The following KCTD8 variants were observed in gnomAD, a reference collection of about 807,000 sequenced individuals.
KCTD8 encodes potassium channel tetramerization domain containing 8.
A neutral mutation model predicts 31.5 loss-of-function variants in KCTD8; 27 were observed. That is an observed-to-expected ratio of 0.86 (90% CI 0.63 to 1.18). The LOEUF (loss-of-function observed/expected upper bound fraction) is 1.18, where lower values mean the gene tolerates loss of function less well. KCTD8 is among the 50% of genes most tolerant of loss of function. The pLI is 0.00. For synonymous variants in KCTD8, 290 were observed against 280.0 expected (o/e 1.04, Z -0.36); for missense variants, 658 against 647.7 (o/e 1.02, Z -0.17).
intron 1 of KCTD8, among the ~76,000 whole-genome samples, chr4:44,426,987 A>G (rs1721365469): frequency 6.6e-6 from 1 of 151,786 alleles, no homozygotes; most frequent in Admixed American, 6.6e-5. Context: ...ATTTATAAAG[A>G]TGATTTTAGT....
At chr4:44,226,807 T>C (rs1430304813) in intron 1 of KCTD8, among the ~76,000 whole-genome samples, 2 of 152,224 alleles carry the variant, frequency 1.3e-5, no homozygotes, top group South Asian at 2.1e-4. Context: ...ATGAGCTTTT[T>C]TCGTATGTTT....
At position 44,448,344 on chromosome 4, in the gene KCTD8, C is replaced by T. The variant is rs1202790547; in HGVS notation, c.180G>A (p.Ser60=). The T allele has an allele frequency of 5.0e-6, 8 of 1,594,948 alleles. No individual in the cohort carries two copies. Residue 60 remains serine (S), a synonymous_variant, in exon 1 of 2, where the codon TCG becomes TCA. Coordinates refer to ENST00000360029, the MANE Select transcript of KCTD8 (RefSeq NM_198353.3). This position sits in a 1 kb window ranked among gnomAD's most constrained non-coding sequence, Gnocchi z 4.1. ...TACTGTCCGGGACGCTGAGCAGCGTCGAGTGCTTGGTCACATAAACCTGGC... is the reference window on the plus strand; with the variant it reads ...TACTGTCCGGGACGCTGAGCAGCGTTGAGTGCTTGGTCACATAAACCTGGC... ...VGGQVYVTKH[S]TLLSVPDSTL... is the part of the protein sequence containing the mutation.
intron 1 of KCTD8, among the ~76,000 whole-genome samples, chr4:44,236,386 G>T (rs961680035): frequency 2.6e-5 from 4 of 152,138 alleles, no homozygotes; most frequent in Admixed American, 1.3e-4. Context: ...AGTGGTTGTG[G>T]CATGCACTCA....
chr4:44,229,427 G>A (rs552576201), intron 1 of KCTD8, among the ~76,000 whole-genome samples: 32 of 152,280 alleles, frequency 2.1e-4, no homozygotes, highest in Admixed American at 1.3e-4. Context: ...AGGGCACTCC[G>A]CTGGCAAAGG....
At chr4:44,203,457 T>G (rs1225907334) in intron 1 of KCTD8, among the ~76,000 whole-genome samples, 1 of 133,196 alleles carries the variant, frequency 7.5e-6, no homozygotes. Context: ...GCCATTGTAC[T>G]CCAGCCTGGG....
chr4:44,364,179 CA>C (rs1719570555), intron 1 of KCTD8, among the ~76,000 whole-genome samples: 1 of 151,952 alleles, frequency 6.6e-6, no homozygotes, highest in Admixed American at 6.6e-5. Flanking sequence ...TTGCAAAACA[CA>C]TATCTGATAG....
intron 1 of KCTD8, among the ~76,000 whole-genome samples, chr4:44,315,705 A>C (rs1245382867): frequency 6.6e-6 from 1 of 152,078 alleles, no homozygotes; most frequent in Non-Finnish European, 1.5e-5. Flanking sequence ...TTACCCTCAC[A>C]TTTGATTGAT....
At chr4:44,400,356 T>C (rs542712780) in intron 1 of KCTD8, among the ~76,000 whole-genome samples, 40 of 152,106 alleles carry the variant, frequency 2.6e-4, no homozygotes, top group African/African-American at 9.6e-4. Context: ...AGTATGATAT[T>C]CCTGTCTCCT....
intron 1 of KCTD8, among the ~76,000 whole-genome samples, chr4:44,331,097 G>A (rs1276975810): frequency 6.6e-6 from 1 of 151,820 alleles, no homozygotes; most frequent in Non-Finnish European, 1.5e-5. Context: ...GGTATGTGGA[G>A]AAGGCATGAT....
At chr4:44,343,870 T>G (rs1046194909) in intron 1 of KCTD8, among the ~76,000 whole-genome samples, 3 of 152,102 alleles carry the variant, frequency 2.0e-5, no homozygotes, top group African/African-American at 7.2e-5. Context: ...TTGTTTTGTT[T>G]TGTTTTTGAG....
At chr4:44,447,269 A>T (rs1384302383) in intron 1 of KCTD8, among the ~76,000 whole-genome samples, 1 of 152,248 alleles carries the variant, frequency 6.6e-6, no homozygotes, top group Non-Finnish European at 1.5e-5. Context: ...AGACCCTGGC[A>T]TCTGGGAGCG....
At chr4:44,407,989 T>C (rs1419184475) in intron 1 of KCTD8, among the ~76,000 whole-genome samples, 1 of 152,160 alleles carries the variant, frequency 6.6e-6, no homozygotes, top group Non-Finnish European at 1.5e-5. Context: ...TTCCAGAGCT[T>C]ACTAAGATCT....
chr4:44,345,725 T>G (rs769319148), intron 1 of KCTD8, among the ~76,000 whole-genome samples: 1 of 152,188 alleles, frequency 6.6e-6, no homozygotes, highest in Non-Finnish European at 1.5e-5. Flanking sequence ...TGTTCATGTT[T>G]GTTTGCTTGC....
intron 1 of KCTD8, among the ~76,000 whole-genome samples, chr4:44,215,197 T>C (rs1360374122): frequency 6.6e-6 from 1 of 152,218 alleles, no homozygotes; most frequent in East Asian, 1.9e-4. Context: ...TGGTCTCCTG[T>C]ACAGCTAGCT....
At chr4:44,176,309 G>T (rs1350387056) in intron 1 of KCTD8, among the ~76,000 whole-genome samples, 1 of 152,104 alleles carries the variant, frequency 6.6e-6, no homozygotes, top group East Asian at 1.9e-4. Flanking sequence ...AATTTCGGGG[G>T]TCTAACCTTG....
intron 1 of KCTD8, chr4:44,293,581 A>G (rs1240374206): frequency 1.4e-5 from 5 of 363,902 alleles, no homozygotes; most frequent in Non-Finnish European, 2.7e-5. Context: ...AAAGCAAATT[A>G]TATTTATTAT....
chr4:44,197,513 A>G (rs1053694702), intron 1 of KCTD8, among the ~76,000 whole-genome samples: 1 of 152,216 alleles, frequency 6.6e-6, no homozygotes, highest in African/African-American at 2.4e-5. Context: ...CATCATGCTT[A>G]AGCAATATCT....
chr4:44,300,921 A>G (rs1411350293), intron 1 of KCTD8, among the ~76,000 whole-genome samples: 2 of 129,480 alleles, frequency 1.5e-5, no homozygotes, highest in Non-Finnish European at 3.1e-5. Flanking sequence ...CTGTGTCCAT[A>G]TGTTCTCATT....
intron 1 of KCTD8, among the ~76,000 whole-genome samples, chr4:44,231,464 T>C (rs894436364): frequency 1.3e-5 from 2 of 152,210 alleles, no homozygotes; most frequent in Admixed American, 6.5e-5. Context: ...TTTGTTCATA[T>C]TCAATCTTGG....
Sources: allele counts gnomAD v4.1 joint callset (sites outside exome capture counted in the v4.1 genomes callset), GRCh38; gene constraint gnomAD v4.1.1; non-coding constraint Gnocchi (gnomAD v3.1); transcripts MANE v1.5; gene names NCBI Gene and HGNC (gene_info 2026-07-23, HGNC 2026-07-21).